Variants in SI observed in about 807,000 individuals in gnomAD.
SI encodes the protein sucrase-isomaltase, intestinal.
In SI, 235 loss-of-function variants were observed where a neutral mutation model predicts 253.3. That is an observed-to-expected ratio of 0.93 (90% CI 0.83 to 1.03). The LOEUF (loss-of-function observed/expected upper bound fraction) is 1.03. Ranked by LOEUF, SI falls within the 50% of genes least tolerant of loss-of-function variation. SI has a pLI of 0.00. For synonymous variants in SI, 819 were observed against 712.0 expected, an observed-to-expected ratio of 1.15 and a Z score of -2.39; for missense variants, 2,442 against 2,211.1, an observed-to-expected ratio of 1.10 and a Z score of -2.09.
chr3:165,038,308 GT>G (rs1455828564), intron 20 of SI, among the ~76,000 whole-genome samples: 1 of 151,328 alleles, frequency 6.6e-6, no homozygotes, highest in Non-Finnish European at 1.5e-5. Context: ...CTTTGTTTTG[GT>G]TTAAAGTTTA....
At chr3:165,062,153 A>C (rs540846920) in intron 9 of SI, among the ~76,000 whole-genome samples, 3 of 151,924 alleles carry the variant, frequency 2.0e-5, no homozygotes, top group African/African-American at 4.8e-5. Flanking sequence ...AGAGGTAAGA[A>C]ATTTTGAATT....
At chr3:164,991,776 C>T (rs1385599479) in intron 43 of SI, among the ~76,000 whole-genome samples, 1 of 151,842 alleles carries the variant, frequency 6.6e-6, no homozygotes, top group Non-Finnish European at 1.5e-5. Context: ...TCATTTATAG[C>T]GTTGTTTTTG....
rs1467429051 is a variant in SI at position 165,069,336 on chromosome 3, G to T, written c.256-141C>A. 9 of 654,952 alleles carry T rather than the reference G, an allele frequency of 1.4e-5. No homozygotes were observed. The Admixed American group carries it at 1.5e-4, about 11-fold the overall frequency. 40.6% of individuals were successfully genotyped at this position (654,952 alleles called of 1,614,324 possible). On this transcript the variant is annotated intron_variant, in intron 3 of 47. Coordinates refer to ENST00000264382, the MANE Select transcript of SI (RefSeq NM_001041.4). ...ATGCCAAAATAGCATTTGCTCTTTT[G>T]TTTCTTCTACCTGGAAGAAATACAA...
At chr3:164,982,913 T>A in intron 46 of SI, 89 bp downstream of exon 46, 2 of 1,266,090 alleles carry the variant, frequency 1.6e-6, no homozygotes, top group South Asian at 2.5e-5. Flanking sequence ...AGCCTCCCAA[T>A]GAACTAGGAT....
rs1207321279 is a variant in SI at position 165,055,289 on chromosome 3, C to T, written c.1417G>A (p.Val473Ile). 1.3e-6 allele frequency: 2 copies of T among 1,594,852 alleles called. No homozygotes were observed. The highest frequency in any genetic ancestry group is 1.3e-5 in the African/African-American group (1 of 74,662). ...TTTGGGTTAGTGAAATCAGGGTATA[C>T]TGTTAATCCTGGCCATACCTAGAAG... ...IIGEVWPGLT[V>I]YPDFTNPNCI... Residue 473 changes from valine to isoleucine, a missense_variant, in exon 13 of 48, where the codon GTA becomes ATA. Transcript: ENST00000264382.
At chr3:165,002,785 G>A (rs1718314133) in intron 37 of SI, among the ~76,000 whole-genome samples, 1 of 151,572 alleles carries the variant, frequency 6.6e-6, no homozygotes, top group Non-Finnish European at 1.5e-5. Flanking sequence ...AAAATATTAA[G>A]AAAGTATCTG....
the SI span, among the ~76,000 whole-genome samples, chr3:165,089,360 T>C: frequency 1.3e-5 from 2 of 152,022 alleles, no homozygotes; most frequent in African/African-American, 4.8e-5. Context: ...CCCACTGAGG[T>C]GACATTTATG....
At position 165,036,467 on chromosome 3, in the gene SI, G is replaced by A; in HGVS notation, c.2437C>T (p.Pro813Ser). The A allele has an allele frequency of 6.2e-7, 1 of 1,610,002 alleles. No individual in the cohort carries two copies. ...DVTTTASRKN[P>S]LGLIVALGEN... ...CCTAATGCGACTATAAGTCCTAGAG[G>A]ATTCTTACGGCTGTTAAGAAAAATT... The change falls in exon 22 of 48, where the codon CCT becomes TCT. Residue 813 changes from proline (P) to serine (S), a missense_variant. Physicochemically the swap from Pro to Ser is moderately conservative, Grantham distance 74. Coordinates refer to ENST00000264382, the MANE Select transcript of SI (RefSeq NM_001041.4).
intron 32 of SI, 117 bp from the exon 33 acceptor site, chr3:165,015,350 T>TAAATGAC: frequency 1.4e-6 from 1 of 734,692 alleles, no homozygotes. Context: ...GCTCTCACAT[T>TAAATGAC]AAATGACAAA....
intron 41 of SI, among the ~76,000 whole-genome samples, chr3:164,992,924 G>GT (rs925956630): frequency 7.1e-4 from 104 of 146,732 alleles, no homozygotes; most frequent in South Asian, 1.3e-3. Flanking sequence ...AAAAACAAAG[G>GT]TTTTTTTTTT....
At chr3:165,085,506 A>G in the SI span, among the ~76,000 whole-genome samples, 1 of 152,152 alleles carries the variant, frequency 6.6e-6, no homozygotes, top group Non-Finnish European at 1.5e-5. Flanking sequence ...TTTCTAAGCC[A>G]ATGGCCACCA....
Position 165,012,967 on chromosome 3 carries a change from G to C in SI, c.4062+13C>G, listed in dbSNP as rs202122683. 3.9e-6 allele frequency: 6 copies of C among 1,531,582 alleles called. No individual in the cohort carries two copies. Among genetic ancestry groups the C allele is most frequent in the South Asian group, 1.1e-5 (1 of 89,314 alleles). 94.9% of individuals were successfully genotyped at this position (1,531,582 alleles called of 1,614,324 possible). A position where few individuals can be genotyped will look rare whatever the true frequency, so the allele number is the denominator to read the frequency against. ...TTTCTTCTCATTGTATAGTTAGCCC[G>C]TGTAAAACTTACATTAACAGCTTCA... is the stretch of plus-strand genomic sequence containing the variant. On this transcript the variant is annotated intron_variant, in intron 34 of 47. Coordinates refer to ENST00000264382, the MANE Select transcript of SI (RefSeq NM_001041.4).
At chr3:165,016,518 T>G (rs1362036032) in intron 31 of SI, among the ~76,000 whole-genome samples, 1 of 151,932 alleles carries the variant, frequency 6.6e-6, no homozygotes, top group Admixed American at 6.6e-5. Flanking sequence ...TTCAAATAAT[T>G]CTAATATTGG....
chr3:165,014,439 C>T (rs1016141041), intron 33 of SI, among the ~76,000 whole-genome samples: 23 of 152,056 alleles, frequency 1.5e-4, no homozygotes, highest in Non-Finnish European at 2.6e-4. Context: ...TTAGTAGAGA[C>T]GGGGTTTCAC....
intron 12 of SI, among the ~76,000 whole-genome samples, chr3:165,056,382 C>T (rs1713695075): frequency 6.6e-6 from 1 of 152,046 alleles, no homozygotes; most frequent in African/African-American, 2.4e-5. Flanking sequence ...TGACCATCCC[C>T]CCCTGCAGAA....
chr3:164,985,931 G>A (rs1459634091), intron 45 of SI, among the ~76,000 whole-genome samples: 2 of 152,176 alleles, frequency 1.3e-5, no homozygotes, highest in Non-Finnish European at 2.9e-5. Context: ...CACATGGCTA[G>A]GAGTTTAGAA....
At chr3:165,033,581 T>A (rs1394474432) in intron 22 of SI, 137 bp from the exon 23 acceptor site, 1 of 762,248 alleles carries the variant, frequency 1.3e-6, no homozygotes, top group Non-Finnish European at 1.8e-6. Context: ...CAGATTTTGT[T>A]TTTAAATTTT....
Position 165,022,535 on chromosome 3 carries a change from T to TCACACACACA in SI, c.3099+1025_3099+1034dup, listed in dbSNP as rs10686237. Among the ~76,000 whole-genome samples the TCACACACACA allele has an allele frequency of 3.6e-3, 493 of 137,912 alleles. 5 individuals are homozygous for TCACACACACA. The highest frequency in any genetic ancestry group is 0.021 in the Middle Eastern group (6 of 280). 90.5% of individuals were successfully genotyped at this position (137,912 alleles called of 152,430 possible). On this transcript the variant is annotated intron_variant, in intron 26 of 47. Transcript: ENST00000264382. The stretch of plus-strand genomic sequence containing the variant: ...ACATCTTCTATGCTTTTGTGCCATC[T>TCACACACACA]CACACACACACACACACACACACAC...
chr3:165,049,929 T>G (rs1713341708), intron 13 of SI, 54 bp from the exon 14 acceptor site: 3 of 1,063,122 alleles, frequency 2.8e-6, no homozygotes, highest in Middle Eastern at 4.3e-4. Context: ...TAAATCCTAT[T>G]AGCAGAAACT....
Sources: allele counts gnomAD v4.1 joint callset (sites outside exome capture counted in the v4.1 genomes callset), GRCh38; gene constraint gnomAD v4.1.1; transcripts MANE v1.5; gene names NCBI Gene and HGNC (gene_info 2026-07-23, HGNC 2026-07-21).